GSN: variants seen among roughly 807,000 people sequenced by gnomAD.
The protein encoded by GSN is gelsolin, also known as actin-depolymerizing factor.
A neutral mutation model predicts 85.7 loss-of-function variants in GSN; 56 were observed. The ratio of observed to expected loss-of-function variants is 0.65; its 90% CI spans 0.53 to 0.82. The LOEUF (loss-of-function observed/expected upper bound fraction) is 0.82. GSN is among the 40% of genes least tolerant of loss of function. The pLI is 0.00. For missense variants in GSN, 857 were observed against 979.8 expected (o/e 0.87, Z 1.67); for synonymous variants, 373 against 399.1 (o/e 0.93, Z 0.78).
At chr9:121,270,171 T>C (rs1258818810) in intron 1 of GSN, among the ~76,000 whole-genome samples, 1 of 151,792 alleles carries the variant, frequency 6.6e-6, no homozygotes. Flanking sequence ...TTCTGAGCCA[T>C]CCATGTGGCT....
intron 5 of GSN, among the ~76,000 whole-genome samples, chr9:121,244,978 G>A (rs2054671621): frequency 6.6e-6 from 1 of 151,792 alleles, no homozygotes; most frequent in Middle Eastern, 3.4e-3. Context: ...TAAAAAAAAA[G>A]TAGATTTAAC....
intron 3 of GSN, chr9:121,210,416 A>G (rs1418459533): frequency 6.6e-6 from 1 of 152,240 alleles, no homozygotes; most frequent in Non-Finnish European, 1.5e-5. Context: ...AGCAAGTCTT[A>G]TAGCCTCATA....
chr9:121,251,905 G>C (rs901006074), intron 6 of GSN, among the ~76,000 whole-genome samples: 2 of 152,176 alleles, frequency 1.3e-5, no homozygotes, highest in African/African-American at 4.8e-5. Context: ...AGGTTGCAGT[G>C]AGCCGAGATC....
the GSN span, among the ~76,000 whole-genome samples, chr9:121,202,694 T>C: frequency 6.6e-6 from 1 of 152,216 alleles, no homozygotes; most frequent in Non-Finnish European, 1.5e-5. Flanking sequence ...CACATATATT[T>C]CACACACATG....
intron 4 of GSN, among the ~76,000 whole-genome samples, chr9:121,212,574 C>A (rs140821304): frequency 1.3e-5 from 2 of 151,848 alleles, no homozygotes; most frequent in Non-Finnish European, 2.9e-5. Flanking sequence ...ATGGTATCTG[C>A]GACAAATTAA....
intron 5 of GSN, among the ~76,000 whole-genome samples, chr9:121,237,319 T>C (rs943982751): frequency 6.6e-6 from 1 of 152,186 alleles, no homozygotes; most frequent in African/African-American, 2.4e-5. Context: ...CACAACACTT[T>C]GGGAGGCCGA....
At chr9:121,257,207 G>A (rs926561078) in intron 6 of GSN, among the ~76,000 whole-genome samples, 38 of 151,778 alleles carry the variant, frequency 2.5e-4, no homozygotes, top group Non-Finnish European at 3.1e-4. Flanking sequence ...TATACTCTAC[G>A]GAAAAGAAAA....
At chr9:121,218,296 C>T (rs975116492) in intron 4 of GSN, among the ~76,000 whole-genome samples, 1 of 151,990 alleles carries the variant, frequency 6.6e-6, no homozygotes, top group African/African-American at 2.4e-5. Flanking sequence ...CTGTGGTGGA[C>T]CACAGGTGCA....
chr9:121,221,202 C>T (rs1172564625), intron 4 of GSN, among the ~76,000 whole-genome samples: 1 of 152,156 alleles, frequency 6.6e-6, no homozygotes, highest in Non-Finnish European at 1.5e-5. Context: ...CTTTATTGTC[C>T]GAAACTTCTC....
chr9:121,301,900 A>G (rs1361109510), intron 2 of GSN, 63 bp from the exon 3 acceptor site: 3 of 1,611,684 alleles, frequency 1.9e-6, no homozygotes, highest in African/African-American at 1.3e-5. Flanking sequence ...GCCCTCCCTC[A>G]TGCCTGGGGT....
In GSN at chr9:121,302,023, C is replaced by G; in HGVS notation, c.52C>G (p.Gln18Glu). Residue 18 changes from glutamine (Q) to glutamate (E), a missense_variant, in exon 3 of 18, where the codon CAG (glutamine) becomes GAG (glutamate). By Grantham distance (29) the Gln-to-Glu change is conservative. Transcript: ENST00000432226. ...FLKAGKEPGL[Q>E]IWRVEKFDLV... ...CAAGGCAGGGAAGGAGCCTGGCCTG[C>G]AGATCTGGCGTGTGGAGAAGTTCGA... The G allele has an allele frequency of 6.2e-7, 1 of 1,614,236 alleles. No individual in the cohort carries two copies. Among genetic ancestry groups the G allele is most frequent in the Non-Finnish European group, 8.5e-7 (1 of 1,180,038 alleles).
chr9:121,323,370 C>CT (rs2062729674), intron 11 of GSN, among the ~76,000 whole-genome samples: 13 of 75,114 alleles, frequency 1.7e-4, no homozygotes, highest in African/African-American at 5.8e-4. Context: ...TTCCCATTAC[C>CT]GTTTTTTTTT....
At chr9:121,321,437 G>A (rs201012108) in intron 11 of GSN, 36 bp downstream of exon 11, 2 of 1,606,018 alleles carry the variant, frequency 1.2e-6, no homozygotes, top group Non-Finnish European at 1.7e-6. Context: ...TGTCGTGGGG[G>A]TACTGGCTGG....
intron 2 of GSN, among the ~76,000 whole-genome samples, chr9:121,293,915 C>T (rs1233942440): frequency 6.6e-6 from 1 of 152,098 alleles, no homozygotes; most frequent in Non-Finnish European, 1.5e-5. Flanking sequence ...ATTATAATCC[C>T]CGTTTTATAG....
intron 2 of GSN, chr9:121,282,030 A>T: frequency 2.1e-6 from 1 of 475,366 alleles, no homozygotes; most frequent in Non-Finnish European, 4.3e-6. Flanking sequence ...TGTGTGAGTC[A>T]TGGGGAAGCG....
chr9:121,301,852 C>G (rs1490233186), intron 2 of GSN, 111 bp from the exon 3 acceptor site: 41 of 1,564,910 alleles, frequency 2.6e-5, no homozygotes, highest in Non-Finnish European at 3.6e-5. Flanking sequence ...GTGGGGAGAG[C>G]AGGAGGCTCA....
intron 6 of GSN, among the ~76,000 whole-genome samples, chr9:121,254,546 G>A (rs968617944): frequency 2.0e-5 from 3 of 152,270 alleles, no homozygotes; most frequent in Middle Eastern, 6.8e-3. Flanking sequence ...TCTTTAGGAT[G>A]ATTTTAACCT....
At chr9:121,321,157 A>T in intron 10 of GSN, 111 bp from the exon 11 acceptor site, 1 of 1,184,996 alleles carries the variant, frequency 8.4e-7, no homozygotes, top group South Asian at 1.2e-5. Flanking sequence ...CAAGTGATTA[A>T]AAGTTCATCC....
intron 4 of GSN, among the ~76,000 whole-genome samples, chr9:121,228,239 A>C (rs1160675450): frequency 2.6e-5 from 4 of 151,616 alleles, no homozygotes; most frequent in African/African-American, 4.9e-5. Context: ...TGCACACCCG[A>C]GGTGCTGCAG....
Sources: allele counts gnomAD v4.1 joint callset (sites outside exome capture counted in the v4.1 genomes callset), GRCh38; gene constraint gnomAD v4.1.1; transcripts MANE v1.5; gene names NCBI Gene and HGNC (gene_info 2026-07-23, HGNC 2026-07-21).